The following INIP variants were observed in gnomAD, a reference collection of about 807,000 sequenced individuals.
The protein encoded by INIP is SOSS complex subunit C.
Under a neutral mutation model 14.0 loss-of-function variants are expected in INIP, and 9 were observed. The observed-to-expected ratio is 0.64, with a 90% CI of 0.39 to 1.12. The LOEUF (loss-of-function observed/expected upper bound fraction) is 1.12. Ranked by LOEUF, INIP falls within the 50% of genes most tolerant of loss-of-function variation. The pLI is 0.01. For missense variants in INIP, 78 were observed against 122.7 expected (o/e 0.64, Z 1.72); for synonymous variants, 37 against 41.5 (o/e 0.89, Z 0.41).
chr9:112,689,437 T>C (rs1235357710), intron 4 of INIP, 90 bp downstream of exon 4: 3 of 992,376 alleles, frequency 3.0e-6, no homozygotes, highest in Non-Finnish European at 4.8e-6. Context: ...TTTATTGATA[T>C]TGCTCCACTG....
intron 2 of INIP, among the ~76,000 whole-genome samples, chr9:112,715,133 TACACACACACACACACACACAC>T (rs58647648): frequency 3.7e-5 from 5 of 133,434 alleles, no homozygotes; most frequent in Non-Finnish European, 8.0e-5. Flanking sequence ...CATACATACA[TACACACACACACACACACACAC>T]ACACACACAC....
chr9:112,713,984 CAAA>C (rs376955548), intron 2 of INIP, among the ~76,000 whole-genome samples: 1 of 78,766 alleles, frequency 1.3e-5, no homozygotes, highest in Non-Finnish European at 2.8e-5. Context: ...AACTCCATCT[CAAA>C]AAAAAAAAAA....
chr9:112,691,020 A>C (rs1343347722), intron 3 of INIP, among the ~76,000 whole-genome samples: 1 of 152,226 alleles, frequency 6.6e-6, no homozygotes, highest in African/African-American at 2.4e-5. Context: ...ACAGATACCC[A>C]AATGTTTATG....
intron 4 of INIP, among the ~76,000 whole-genome samples, chr9:112,688,428 A>G (rs1375881979): frequency 6.6e-6 from 1 of 151,804 alleles, no homozygotes; most frequent in Non-Finnish European, 1.5e-5. Context: ...AAATACCAAC[A>G]TTTGGTAGAG....
chr9:112,717,157 GAT>G (rs1207216041), intron 1 of INIP, among the ~76,000 whole-genome samples: 1 of 152,064 alleles, frequency 6.6e-6, no homozygotes, highest in Non-Finnish European at 1.5e-5. Context: ...TCAACCAATT[GAT>G]AGAGTCAATA....
At chr9:112,700,668 A>G (rs377388486) in intron 2 of INIP, among the ~76,000 whole-genome samples, 8 of 151,462 alleles carry the variant, frequency 5.3e-5, no homozygotes, top group Admixed American at 3.9e-4. Context: ...AAACAATTTT[A>G]TAAGATTCAT....
chr9:112,691,347 A>C (rs1455577951), intron 3 of INIP, among the ~76,000 whole-genome samples: 2 of 152,254 alleles, frequency 1.3e-5, no homozygotes, highest in East Asian at 3.8e-4. Flanking sequence ...TTACTGAGAC[A>C]GGATACACAA....
chr9:112,689,600 G>A lies in INIP; in HGVS notation c.146C>T (p.Pro49Leu). ...HPGASIALSRPSLNKDFRDHA... is the reference protein window; with the variant it reads ...HPGASIALSRLSLNKDFRDHA... ...ATCCCGGAAGTCCTTATTAAGAGAG[G>A]GTCTCGAGAGTGCAATGCTAAAATG... is the stretch of plus-strand genomic sequence containing the variant. The change falls in exon 4 of 5, where the codon CCC becomes CTC. Residue 49 changes from proline (P) to leucine (L), a missense_variant. Coordinates refer to ENST00000374242, the MANE Select transcript of INIP (RefSeq NM_021218.3). 1 of 1,613,978 alleles carries A rather than the reference G, an allele frequency of 6.2e-7. No individual in the cohort carries two copies. Among genetic ancestry groups the A allele is most frequent in the Non-Finnish European group, 8.5e-7 (1 of 1,179,902 alleles).
chr9:112,708,176 T>C (rs1838540003), intron 2 of INIP, among the ~76,000 whole-genome samples: 1 of 152,210 alleles, frequency 6.6e-6, no homozygotes, highest in African/African-American at 2.4e-5. Flanking sequence ...CAATCATTAT[T>C]GTAGGAATGA....
At chr9:112,701,095 A>G (rs370700434) in intron 2 of INIP, among the ~76,000 whole-genome samples, 24 of 152,236 alleles carry the variant, frequency 1.6e-4, no homozygotes, top group African/African-American at 5.8e-4. Context: ...GGAGGCTGAG[A>G]TGGGCAGTTC....
intron 2 of INIP, among the ~76,000 whole-genome samples, chr9:112,696,802 G>A (rs997606529): frequency 3.3e-5 from 5 of 152,190 alleles, no homozygotes; most frequent in African/African-American, 1.2e-4. Context: ...GTATTACAAA[G>A]GTTAGACATG....
intron 4 of INIP, among the ~76,000 whole-genome samples, chr9:112,688,621 G>C (rs890157222): frequency 1.2e-4 from 19 of 152,052 alleles, no homozygotes; most frequent in African/African-American, 4.6e-4. Flanking sequence ...AGGAGTTTGA[G>C]ACCAGTCTGG....
intron 2 of INIP, among the ~76,000 whole-genome samples, chr9:112,697,524 C>T (rs748349236): frequency 2.6e-5 from 4 of 151,956 alleles, no homozygotes; most frequent in Non-Finnish European, 4.4e-5. Context: ...TAGAGGCTGC[C>T]GTGAGCCATG....
intron 2 of INIP, among the ~76,000 whole-genome samples, chr9:112,710,016 A>G (rs574523590): frequency 3.3e-5 from 5 of 152,258 alleles, no homozygotes; most frequent in Non-Finnish European, 7.3e-5. Context: ...TTAAAAAGGT[A>G]CAAATAGAAG....
At chr9:112,692,450 AT>A (rs1402128009) in intron 3 of INIP, among the ~76,000 whole-genome samples, 2 of 151,898 alleles carry the variant, frequency 1.3e-5, no homozygotes, top group African/African-American at 4.8e-5. Context: ...TGGCTAGCTA[AT>A]TTTTTGTATT....
At chr9:112,691,855 C>T (rs572696744) in intron 3 of INIP, among the ~76,000 whole-genome samples, 11 of 152,078 alleles carry the variant, frequency 7.2e-5, no homozygotes, top group Admixed American at 3.3e-4. Context: ...ACTAAAATTA[C>T]AAAAGTTTGC....
At chr9:112,716,338 G>T (rs148214819) in intron 2 of INIP, 123 bp downstream of exon 2, 2 of 865,086 alleles carry the variant, frequency 2.3e-6, no homozygotes, top group Non-Finnish European at 3.8e-6. Context: ...CACCGCTCCC[G>T]GCCTGCTATT....
At chr9:112,704,600 C>T (rs1172482094) in intron 2 of INIP, among the ~76,000 whole-genome samples, 1 of 152,160 alleles carries the variant, frequency 6.6e-6, no homozygotes, top group Non-Finnish European at 1.5e-5. Context: ...CCCATCAACA[C>T]AGTTTGGGTA....
At chr9:112,694,294 G>C (rs1444968567) in intron 2 of INIP, 61 bp from the exon 3 acceptor site, 31 of 1,013,322 alleles carry the variant, frequency 3.1e-5, no homozygotes, top group Non-Finnish European at 3.3e-5. Flanking sequence ...AAACATTTTA[G>C]ACCTATTTTT....
Sources: gnomAD v4.1 joint callset for allele counts (sites outside exome capture counted in the v4.1 genomes callset) on GRCh38, gnomAD v4.1.1 for gene constraint, MANE v1.5 for transcripts, NCBI Gene and HGNC (gene_info 2026-07-23, HGNC 2026-07-21) for gene names.